Variants in DKK3 observed in about 807,000 individuals in gnomAD.
DKK3 encodes the protein dickkopf-related protein 3.
DKK3 carries 22 observed loss-of-function variants against 33.2 expected under a neutral mutation model. That is an observed-to-expected ratio of 0.66 (90% CI 0.47 to 0.95). The LOEUF (loss-of-function observed/expected upper bound fraction) is 0.95, where lower values mean the gene tolerates loss of function less well. Ranked by LOEUF, DKK3 falls within the 40% of genes least tolerant of loss-of-function variation. The probability of loss-of-function intolerance (pLI) is 0.00; values close to 1 mark genes in which losing one functional copy is unlikely to be tolerated. For synonymous variants in DKK3, 194 were observed against 188.8 expected (o/e 1.03, Z -0.23); for missense variants, 398 against 458.4 (o/e 0.87, Z 1.20).
At chr11:12,004,386 G>A (rs1328817367) in intron 1 of DKK3, among the ~76,000 whole-genome samples, 1 of 152,182 alleles carries the variant, frequency 6.6e-6, no homozygotes, top group African/African-American at 2.4e-5. Context: ...AGGGGAGTCA[G>A]GAAACTGGCT....
intron 1 of DKK3, among the ~76,000 whole-genome samples, chr11:12,007,549 CTGGAGGTGA>C (rs749820761): frequency 1.3e-5 from 2 of 152,196 alleles, no homozygotes; most frequent in Non-Finnish European, 2.9e-5. Context: ...GTGTTTAGAC[CTGGAGGTGA>C]TGGAGGGCAG....
chr11:11,970,025 C>T (rs186280328), intron 3 of DKK3, among the ~76,000 whole-genome samples: 42 of 152,302 alleles, frequency 2.8e-4, no homozygotes, highest in Admixed American at 3.9e-4. Flanking sequence ...AAATCACAGA[C>T]GCGCTTTGTC....
chr11:11,985,062 C>T (rs1848040514), intron 3 of DKK3, among the ~76,000 whole-genome samples: 1 of 152,224 alleles, frequency 6.6e-6, no homozygotes, highest in South Asian at 2.1e-4. Context: ...TTTTGCTTCA[C>T]TTTTGTGGGA....
intron 3 of DKK3, among the ~76,000 whole-genome samples, chr11:11,975,684 G>C (rs909699821): frequency 2.6e-5 from 4 of 152,126 alleles, no homozygotes; most frequent in Non-Finnish European, 5.9e-5. Context: ...CAGGGCTAGG[G>C]GTATCCTGGG....
At chr11:11,975,460 T>C (rs903405185) in intron 3 of DKK3, among the ~76,000 whole-genome samples, 1 of 152,202 alleles carries the variant, frequency 6.6e-6, no homozygotes, top group East Asian at 1.9e-4. Context: ...CCTGGCACCC[T>C]GGGGGTGGTG....
chr11:11,990,798 G>A (rs1032502801), intron 3 of DKK3, among the ~76,000 whole-genome samples: 12 of 152,174 alleles, frequency 7.9e-5, no homozygotes, highest in Non-Finnish European at 1.3e-4. Context: ...CTTGTTCAAC[G>A]AATACCCTTT....
chr11:11,965,771 C>T, intron 6 of DKK3, 38 bp downstream of exon 6: 1 of 1,605,738 alleles, frequency 6.2e-7, no homozygotes, highest in African/African-American at 1.3e-5. Flanking sequence ...ACCTCCTCAG[C>T]CCTTGGCTCC....
intron 3 of DKK3, among the ~76,000 whole-genome samples, chr11:11,971,826 G>T (rs1167872005): frequency 1.3e-5 from 2 of 152,010 alleles, no homozygotes; most frequent in African/African-American, 2.4e-5. Flanking sequence ...GTTTTTCTAG[G>T]TACGGAAAAA....
rs531904030 is a variant in DKK3 at position 11,969,804 on chromosome 11, G to A, written c.436-1317C>T. Among the ~76,000 whole-genome samples, 9 of 152,284 alleles carry A rather than the reference G, an allele frequency of 5.9e-5. No individual in the cohort carries two copies. In the South Asian group the frequency reaches 1.0e-3, roughly 18 times the overall value. ...TCTGATCAACACTGCAAGTGCTGGC[G>A]GCCCAGCAACCAGGGTGCTCCCTTG... On this transcript the variant is annotated intron_variant, in intron 3 of 6. Transcript: ENST00000683431.
At chr11:11,991,791 C>G (rs564573052) in intron 3 of DKK3, among the ~76,000 whole-genome samples, 2 of 152,268 alleles carry the variant, frequency 1.3e-5, no homozygotes, top group South Asian at 4.2e-4. Context: ...TTGTGTACTA[C>G]TTTATAGCAA....
chr11:11,971,886 C>A (rs1847732922), intron 3 of DKK3, among the ~76,000 whole-genome samples: 1 of 152,096 alleles, frequency 6.6e-6, no homozygotes, highest in Non-Finnish European at 1.5e-5. Context: ...CCTAAATATA[C>A]CAAAGCTACT....
chr11:11,990,618 T>C (rs1248513469), intron 3 of DKK3, among the ~76,000 whole-genome samples: 2 of 152,232 alleles, frequency 1.3e-5, no homozygotes, highest in African/African-American at 4.8e-5. Flanking sequence ...CATGTATTCC[T>C]AACTCCTTGG....
intron 3 of DKK3, among the ~76,000 whole-genome samples, chr11:11,989,729 T>C (rs1263546747): frequency 1.3e-5 from 2 of 152,250 alleles, no homozygotes; most frequent in Non-Finnish European, 2.9e-5. Flanking sequence ...ATTATATACA[T>C]TTTATCACAA....
At chr11:11,965,515 G>A (rs187756923) in intron 6 of DKK3, among the ~76,000 whole-genome samples, 32 of 152,234 alleles carry the variant, frequency 2.1e-4, no homozygotes, top group Admixed American at 2.0e-3. Flanking sequence ...GGTCTGGGGA[G>A]GGAGCCCAGG....
chr11:11,980,894 T>A (rs1039679561), intron 3 of DKK3, among the ~76,000 whole-genome samples: 2 of 152,146 alleles, frequency 1.3e-5, no homozygotes, highest in African/African-American at 2.4e-5. Flanking sequence ...GGCTGGTTGG[T>A]CACTGGTGTT....
chr11:11,996,739 C>T (rs1484592040), intron 3 of DKK3, among the ~76,000 whole-genome samples: 1 of 152,196 alleles, frequency 6.6e-6, no homozygotes, highest in Non-Finnish European at 1.5e-5. Flanking sequence ...TTAGATCTAC[C>T]GCTCCCCTCA....
chr11:11,979,166 C>G (rs896678712), intron 3 of DKK3: 2 of 152,328 alleles, frequency 1.3e-5, no homozygotes, highest in Non-Finnish European at 2.9e-5. Context: ...GGGCCTTGGC[C>G]TTTGTTTCCC....
At chr11:11,991,468 C>T (rs1350588669) in intron 3 of DKK3, among the ~76,000 whole-genome samples, 2 of 152,022 alleles carry the variant, frequency 1.3e-5, no homozygotes, top group Non-Finnish European at 2.9e-5. Context: ...GCCTATAGTC[C>T]CAGCACTTTG....
chr11:11,965,714 T>G (rs1236965669), intron 6 of DKK3, 95 bp downstream of exon 6: 50 of 1,457,960 alleles, frequency 3.4e-5, no homozygotes, highest in Non-Finnish European at 3.2e-5. Context: ...AATCTACACC[T>G]CCCCCAGGGA....
Sources: allele counts gnomAD v4.1 joint callset (sites outside exome capture counted in the v4.1 genomes callset), GRCh38; gene constraint gnomAD v4.1.1; transcripts MANE v1.5; gene names NCBI Gene and HGNC (gene_info 2026-07-23, HGNC 2026-07-21).